ARFIP1: variants seen among roughly 807,000 people sequenced by gnomAD.
ARFIP1 encodes arfaptin-1.
In ARFIP1, 24 loss-of-function variants were observed where a neutral mutation model predicts 42.5. The ratio of observed to expected loss-of-function variants is 0.57; its 90% CI spans 0.41 to 0.80. The LOEUF is 0.80. Ranked by LOEUF, ARFIP1 falls within the 30% of genes least tolerant of loss-of-function variation. The pLI is 0.00. For missense variants in ARFIP1, 354 were observed against 434.0 expected (o/e 0.82, Z 1.64); for synonymous variants, 141 against 153.7 (o/e 0.92, Z 0.61).
chr4:152,812,998 C>G (rs891803271), intron 1 of ARFIP1, among the ~76,000 whole-genome samples: 1 of 152,160 alleles, frequency 6.6e-6, no homozygotes, highest in African/African-American at 2.4e-5. Context: ...TGTCTTCAGT[C>G]TGTGATGCTT....
chr4:152,872,243 G>A (rs931472072), intron 4 of ARFIP1, among the ~76,000 whole-genome samples: 1 of 152,110 alleles, frequency 6.6e-6, no homozygotes, highest in Non-Finnish European at 1.5e-5. Context: ...AAGTCACATG[G>A]CATTTGTGTT....
chr4:152,836,602 T>C (rs1317833378), intron 2 of ARFIP1, among the ~76,000 whole-genome samples: 4 of 152,068 alleles, frequency 2.6e-5, no homozygotes, highest in Non-Finnish European at 4.4e-5. Context: ...AAAACTGGAG[T>C]AAATGTCAGC....
chr4:152,824,804 C>T (rs78571831), intron 1 of ARFIP1, among the ~76,000 whole-genome samples: 7,912 of 152,148 alleles, frequency 0.052, 700 homozygotes, highest in African/African-American at 0.18. Context: ...AGGACTCCTC[C>T]AGAAGACTCC....
intron 5 of ARFIP1, 89 bp from the exon 6 acceptor site, chr4:152,880,874 A>T: frequency 2.9e-6 from 3 of 1,028,930 alleles, no homozygotes; most frequent in Non-Finnish European, 4.4e-6. Flanking sequence ...AGCTTGTTTG[A>T]ATCCAAAAAA....
At chr4:152,813,067 G>A (rs1289171493) in intron 1 of ARFIP1, among the ~76,000 whole-genome samples, 3 of 152,176 alleles carry the variant, frequency 2.0e-5, no homozygotes, top group Non-Finnish European at 1.5e-5. Context: ...CCCTGTCCAT[G>A]AGTTCTAATC....
intron 8 of ARFIP1, among the ~76,000 whole-genome samples, chr4:152,893,120 C>T (rs1258202320): frequency 6.6e-6 from 1 of 152,144 alleles, no homozygotes; most frequent in Admixed American, 6.6e-5. Flanking sequence ...TTTTACAGCC[C>T]TCATAAAGCC....
At chr4:152,898,790 A>C (rs1028785304) in intron 8 of ARFIP1, among the ~76,000 whole-genome samples, 1 of 152,310 alleles carries the variant, frequency 6.6e-6, no homozygotes, top group Non-Finnish European at 1.5e-5. Flanking sequence ...CAGGAAAAAA[A>C]TTCTTGGAGA....
chr4:152,822,116 C>T (rs1384975783), intron 1 of ARFIP1, among the ~76,000 whole-genome samples: 1 of 151,800 alleles, frequency 6.6e-6, no homozygotes, highest in Non-Finnish European at 1.5e-5. Context: ...TACAGATTGG[C>T]AGAATGGATA....
chr4:152,858,664 C>A (rs914708968), intron 2 of ARFIP1, among the ~76,000 whole-genome samples: 1 of 152,012 alleles, frequency 6.6e-6, no homozygotes, highest in Non-Finnish European at 1.5e-5. Flanking sequence ...TTATTTGATC[C>A]CCCTATATCT....
In ARFIP1 at chr4:152,829,666, A is replaced by G; in HGVS notation, c.33A>G (p.Ala11=). The change falls in exon 2 of 9, where the codon GCA becomes GCG. Residue 11 remains alanine (A), a synonymous_variant. Coordinates refer to ENST00000353617, the MANE Select transcript of ARFIP1 (RefSeq NM_001025595.3). MAQESPKNSA[A]EIPVTSNGEV... ...AAGAATCTCCCAAAAATTCAGCAGCAGAAATTCCAGTGACTAGTAATGGAG... is the reference window on the plus strand; with the variant it reads ...AAGAATCTCCCAAAAATTCAGCAGCGGAAATTCCAGTGACTAGTAATGGAG... The G allele has an allele frequency of 6.2e-7, 1 of 1,612,464 alleles. No individual in the cohort carries two copies. Among genetic ancestry groups the G allele is most frequent in the South Asian group, 1.1e-5 (1 of 90,920 alleles).
At chr4:152,882,248 A>G (rs569634021) in intron 6 of ARFIP1, among the ~76,000 whole-genome samples, 74 of 152,300 alleles carry the variant, frequency 4.9e-4, no homozygotes, top group African/African-American at 1.7e-3. Flanking sequence ...AAGTTTACAA[A>G]GAAATATGTA....
At chr4:152,837,136 T>C (rs1205480000) in intron 2 of ARFIP1, among the ~76,000 whole-genome samples, 2 of 152,206 alleles carry the variant, frequency 1.3e-5, no homozygotes, top group Non-Finnish European at 2.9e-5. Flanking sequence ...TGTGTAATAT[T>C]GCATCATATA....
chr4:152,857,531 T>C (rs767446319), intron 2 of ARFIP1, among the ~76,000 whole-genome samples: 1 of 152,218 alleles, frequency 6.6e-6, no homozygotes, highest in African/African-American at 2.4e-5. Context: ...GCACTTCAAG[T>C]GTTTGTCAAG....
rs114737784 is a variant in ARFIP1 at position 152,800,363 on chromosome 4, T to C, written c.-10+20137T>C. ...ATCTCGTTTAATGCTACAATAACCC[T>C]GTTGATGTTTTTCTCCCATTTTATA... On this transcript the variant is annotated intron_variant, in intron 1 of 8. Coordinates refer to ENST00000353617, the MANE Select transcript of ARFIP1 (RefSeq NM_001025595.3). 9.1e-3 allele frequency among the ~76,000 whole-genome samples: 1,383 copies of C among 152,258 alleles called. 26 individuals carry two copies. Among genetic ancestry groups the C allele is most frequent in the African/African-American group, 0.031 (1,297 of 41,552 alleles).
At chr4:152,858,741 T>C (rs563771061) in intron 2 of ARFIP1, among the ~76,000 whole-genome samples, 1 of 152,306 alleles carries the variant, frequency 6.6e-6, no homozygotes, top group Admixed American at 6.5e-5. Flanking sequence ...GCTGTCATGA[T>C]GTATAGTATA....
intron 1 of ARFIP1, among the ~76,000 whole-genome samples, chr4:152,785,157 A>G (rs1730726974): frequency 6.6e-6 from 1 of 151,912 alleles, no homozygotes; most frequent in South Asian, 2.1e-4. Context: ...CACATCTGTA[A>G]TCCATTCTTG....
At chr4:152,881,300 T>C in intron 6 of ARFIP1, 116 bp downstream of exon 6, 1 of 809,786 alleles carries the variant, frequency 1.2e-6, no homozygotes, top group Non-Finnish European at 1.9e-6. Flanking sequence ...ATTCTGAGAT[T>C]CTCTTTTAAG....
intron 1 of ARFIP1, among the ~76,000 whole-genome samples, chr4:152,813,511 A>G (rs1729634528): frequency 6.6e-6 from 1 of 151,718 alleles, no homozygotes. Flanking sequence ...GATTATTGGA[A>G]TATTTTTATT....
chr4:152,872,363 GA>G (rs1204736692), intron 4 of ARFIP1, 88 bp from the exon 5 acceptor site: 29 of 849,798 alleles, frequency 3.4e-5, no homozygotes, highest in Non-Finnish European at 5.3e-5. Flanking sequence ...AGATGCATAA[GA>G]ATTTCAATTT....
Sources: gnomAD v4.1 joint callset for allele counts (sites outside exome capture counted in the v4.1 genomes callset) on GRCh38, gnomAD v4.1.1 for gene constraint, MANE v1.5 for transcripts, NCBI Gene and HGNC (gene_info 2026-07-23, HGNC 2026-07-21) for gene names.